Variants in PDE10A observed in about 807,000 individuals in gnomAD.
PDE10A encodes the protein phosphodiesterase 10A.
PDE10A carries 39 observed loss-of-function variants against 97.7 expected under a neutral mutation model. That is an observed-to-expected ratio of 0.40 (90% CI 0.31 to 0.52). The LOEUF (loss-of-function observed/expected upper bound fraction) is 0.52, where lower values mean the gene tolerates loss of function less well. PDE10A is among the 20% of genes least tolerant of loss of function. The pLI is 0.56. For synonymous variants in PDE10A, 371 were observed against 376.8 expected, an observed-to-expected ratio of 0.98 and a Z score of 0.18; for missense variants, 731 against 1,047.8, an observed-to-expected ratio of 0.70 and a Z score of 4.17.
intron 8 of PDE10A, among the ~76,000 whole-genome samples, chr6:165,430,678 G>A (rs6938555): frequency 0.018 from 2,761 of 152,166 alleles, 66 homozygotes; most frequent in African/African-American, 0.06. Context: ...CTGGATAGTC[G>A]ACCCAAGTCT....
intron 2 of PDE10A, among the ~76,000 whole-genome samples, chr6:165,518,081 C>T (rs1401333586): frequency 6.6e-6 from 1 of 152,080 alleles, no homozygotes; most frequent in Non-Finnish European, 1.5e-5. Flanking sequence ...TGTCTGATTC[C>T]AAAGCCTGAA....
intron 1 of PDE10A, among the ~76,000 whole-genome samples, chr6:165,931,030 T>C (rs962121605): frequency 6.6e-6 from 1 of 152,238 alleles, no homozygotes. Flanking sequence ...CTCATGCCCC[T>C]GCACCTCTGC....
Position 165,977,579 on chromosome 6 carries a change from T to C in PDE10A, c.-615+9950A>G, listed in dbSNP as rs559043203. Among the ~76,000 whole-genome samples, 18 of 152,354 alleles carry C rather than the reference T, an allele frequency of 1.2e-4. 2 individuals carry two copies. In the South Asian group the frequency reaches 3.7e-3, roughly 32 times the overall value. ...CTAGTTCATTTGTCAAGATTCTATATCTGAATTTTAAGTGTTCCCATGAAG... is the reference window on the plus strand; with the variant it reads ...CTAGTTCATTTGTCAAGATTCTATACCTGAATTTTAAGTGTTCCCATGAAG... On this transcript the variant is annotated intron_variant, in intron 1 of 19. Transcript: ENST00000366882.
At chr6:165,494,366 C>T (rs757224267) in intron 2 of PDE10A, among the ~76,000 whole-genome samples, 8 of 151,190 alleles carry the variant, frequency 5.3e-5, no homozygotes, top group African/African-American at 1.2e-4. Flanking sequence ...GATACTTGCA[C>T]ATGCATGTTT....
intron 1 of PDE10A, among the ~76,000 whole-genome samples, chr6:165,836,718 G>T (rs866985990): frequency 3.3e-5 from 5 of 152,066 alleles, no homozygotes; most frequent in African/African-American, 4.8e-5. Context: ...AGCTGAAAGT[G>T]GGGGGTCAGA....
chr6:165,841,419 G>A (rs1780255959), intron 1 of PDE10A, among the ~76,000 whole-genome samples: 1 of 152,212 alleles, frequency 6.6e-6, no homozygotes, highest in Admixed American at 6.5e-5. Context: ...TGGTGTGGAT[G>A]TTGCAGTTGG....
At position 165,440,495 on chromosome 6, in the gene PDE10A, C is replaced by T. The variant is rs182801911; in HGVS notation, c.1195-5118G>A. Among the ~76,000 whole-genome samples, 29 of 152,218 alleles carry T rather than the reference C, an allele frequency of 1.9e-4. No individual in the cohort carries two copies. The East Asian group carries it at 5.0e-3, about 26-fold the overall frequency. On this transcript the variant is annotated intron_variant, in intron 5 of 21. Transcript: ENST00000539869. ...TGTTCTTAAAAGACGTGTTGTATTA[C>T]GGTGGAAAGAGCATAGCTGCTCTTT...
intron 1 of PDE10A, among the ~76,000 whole-genome samples, chr6:165,805,211 C>G (rs1383131610): frequency 6.6e-6 from 1 of 151,952 alleles, no homozygotes; most frequent in Non-Finnish European, 1.5e-5. Context: ...GGCCTCGGGT[C>G]GCAGGGCACC....
chr6:165,958,566 AC>A (rs67738228), intron 1 of PDE10A, among the ~76,000 whole-genome samples: 1,991 of 8,454 alleles, frequency 0.24, 332 homozygotes, highest in East Asian at 0.44. Flanking sequence ...AGAAAGAAAG[AC>A]AGACAGAAAG....
At chr6:165,441,966 T>C (rs536008221) in intron 5 of PDE10A, among the ~76,000 whole-genome samples, 198 of 152,298 alleles carry the variant, frequency 1.3e-3, no homozygotes, top group Non-Finnish European at 1.8e-3. Context: ...TCACATTTGT[T>C]AGTAAACATA....
chr6:165,873,090 C>T (rs1426226733), intron 1 of PDE10A, among the ~76,000 whole-genome samples: 1 of 152,176 alleles, frequency 6.6e-6, no homozygotes, highest in Non-Finnish European at 1.5e-5. Context: ...AGGCCTCAGC[C>T]TCCTGGCAGG....
Position 165,659,685 on chromosome 6 carries a change from G to A in PDE10A, c.865+2262C>T, listed in dbSNP as rs1485747267. Among the ~76,000 whole-genome samples, 6 of 152,236 alleles carry A rather than the reference G, an allele frequency of 3.9e-5. No homozygotes were observed. The East Asian group carries it at 1.2e-3, about 29-fold the overall frequency. On this transcript the variant is annotated intron_variant, in intron 1 of 21. Transcript: ENST00000539869. Reference sequence around the variant, plus strand: ...CTGCTCAGGGCAAGGTGTGGGGCGAGGGGGCCTTTCTTGAAAGTTCCCTGA... The same window carrying A: ...CTGCTCAGGGCAAGGTGTGGGGCGAAGGGGCCTTTCTTGAAAGTTCCCTGA...
intron 1 of PDE10A, among the ~76,000 whole-genome samples, chr6:165,931,883 G>A (rs2128490840): frequency 6.6e-6 from 1 of 152,284 alleles, no homozygotes; most frequent in South Asian, 2.1e-4. Flanking sequence ...TTGTTGAGAA[G>A]CAGGAATGAG....
intron 12 of PDE10A, among the ~76,000 whole-genome samples, chr6:165,415,067 T>C (rs1788210749): frequency 1.3e-5 from 2 of 152,240 alleles, no homozygotes; most frequent in Admixed American, 6.5e-5. Flanking sequence ...TATAAGTATT[T>C]TGTCAGATAC....
chr6:165,707,662 CGTGT>C (rs758621741), intron 1 of PDE10A, among the ~76,000 whole-genome samples: 1 of 151,146 alleles, frequency 6.6e-6, no homozygotes, highest in African/African-American at 2.4e-5. Context: ...TATATGTGAG[CGTGT>C]GTGTGTAAGC....
rs749512350 is a variant in PDE10A at position 165,522,635 on chromosome 6, A to G, written c.994+20805T>C. Among the ~76,000 whole-genome samples the G allele has an allele frequency of 6.6e-5, 10 of 152,246 alleles. No homozygotes were observed. The South Asian group carries it at 1.2e-3, about 19-fold the overall frequency. On this transcript the variant is annotated intron_variant, in intron 2 of 21. Coordinates refer to ENST00000539869, the MANE Select transcript of PDE10A (RefSeq NM_001385079.1). ...ACATACCTCAAAGTAGTTAAGAGCC[A>G]TCTATAACAAATCCACAGCCAACAT...
intron 8 of PDE10A, 21 bp downstream of exon 8, chr6:165,431,401 A>G (rs1789544363): frequency 5.1e-6 from 8 of 1,573,634 alleles, no homozygotes; most frequent in African/African-American, 2.7e-5. Flanking sequence ...AAGCCCCTGC[A>G]AAAACACCCC....
At chr6:165,814,898 T>C (rs1422044759) in intron 1 of PDE10A, among the ~76,000 whole-genome samples, 1 of 152,004 alleles carries the variant, frequency 6.6e-6, no homozygotes, top group Admixed American at 6.6e-5. Context: ...TGGCATCAGA[T>C]GGGAATTGAC....
intron 1 of PDE10A, among the ~76,000 whole-genome samples, chr6:165,624,745 C>A (rs2128411222): frequency 6.6e-6 from 1 of 152,354 alleles, no homozygotes; most frequent in Non-Finnish European, 1.5e-5. Flanking sequence ...AAACCAGGTT[C>A]TTGCCTTCAA....
Sources: allele counts gnomAD v4.1 joint callset (sites outside exome capture counted in the v4.1 genomes callset), GRCh38; gene constraint gnomAD v4.1.1; transcripts MANE v1.5; gene names NCBI Gene and HGNC (gene_info 2026-07-23, HGNC 2026-07-21).